The following HMGA2 variants were observed in gnomAD, a reference collection of about 807,000 sequenced individuals.
HMGA2 encodes high mobility group AT-hook 2.
A neutral mutation model predicts 19.1 loss-of-function variants in HMGA2; 8 were observed. That is an observed-to-expected ratio of 0.42 (90% CI 0.25 to 0.76). The LOEUF (loss-of-function observed/expected upper bound fraction) is 0.76. Ranked by LOEUF, HMGA2 falls within the 30% of genes least tolerant of loss-of-function variation. The probability of loss-of-function intolerance (pLI) is 0.28; values close to 1 mark genes in which losing one functional copy is unlikely to be tolerated. For missense variants in HMGA2, 109 were observed against 136.3 expected, an observed-to-expected ratio of 0.80 and a Z score of 1.00; for synonymous variants, 60 against 48.8, an observed-to-expected ratio of 1.23 and a Z score of -0.96.
At chr12:65,848,123 T>C (rs1388085702) in intron 3 of HMGA2, among the ~76,000 whole-genome samples, 1 of 152,216 alleles carries the variant, frequency 6.6e-6, no homozygotes. Context: ...CCTATGTTAA[T>C]GTTTCCATTC....
chr12:65,824,880 G>A lies in HMGA2; in HGVS notation c.-391G>A. ...AAGCCGCTTCCGAAGTGCTCCCGGT[G>A]CCCGCAACTCCTGATCCCAACCCGC... On this transcript the variant is annotated 5_prime_UTR_variant, in exon 1 of 5. Transcript: ENST00000403681. 3.7e-6 allele frequency: 1 copy of A among 268,572 alleles called. No homozygotes were observed. The highest frequency in any genetic ancestry group is 5.8e-5 in the East Asian group (1 of 17,262). 16.6% of individuals were successfully genotyped at this position (268,572 alleles called of 1,614,324 possible).
At chr12:65,932,388 C>G (rs1312602024) in intron 3 of HMGA2, among the ~76,000 whole-genome samples, 1 of 152,244 alleles carries the variant, frequency 6.6e-6, no homozygotes, top group Non-Finnish European at 1.5e-5. Context: ...CATCACTAGA[C>G]TTGTCAAGTG....
At chr12:65,920,154 A>T (rs890640779) in intron 3 of HMGA2, among the ~76,000 whole-genome samples, 16 of 152,174 alleles carry the variant, frequency 1.1e-4, no homozygotes, top group Non-Finnish European at 2.1e-4. Context: ...GTTCTTTGTG[A>T]AAATAGCCGT....
At chr12:65,833,150 G>A (rs1870547927) in intron 2 of HMGA2, among the ~76,000 whole-genome samples, 1 of 152,152 alleles carries the variant, frequency 6.6e-6, no homozygotes, top group African/African-American at 2.4e-5. Context: ...TCTCTTCAAG[G>A]CTAAAAGTGT....
intron 3 of HMGA2, among the ~76,000 whole-genome samples, chr12:65,920,861 A>T (rs945533745): frequency 2.0e-5 from 3 of 152,216 alleles, no homozygotes; most frequent in African/African-American, 7.2e-5. Flanking sequence ...GGCATTGCTG[A>T]AAAGCTACCT....
intron 3 of HMGA2, chr12:65,914,721 C>G (rs538558976): frequency 3.1e-6 from 1 of 323,644 alleles, no homozygotes; most frequent in South Asian, 3.2e-5. Flanking sequence ...GTTGCTCAGG[C>G]TGGAGTGCAG....
chr12:65,824,931 C>CCT lies in HMGA2; in HGVS notation c.-335_-334dup, dbSNP rs1870063854. 1 of 331,548 alleles carries CCT rather than the reference C, an allele frequency of 3.0e-6. No homozygotes were observed. Among genetic ancestry groups the CCT allele is most frequent in the African/African-American group, 2.1e-5 (1 of 46,828 alleles). The allele number at this position is 331,548 out of a possible 1,614,324, so 20.5% of individuals were successfully genotyped here. ...GAGAGGAGCCTCTGCGACCTCAAAGCCTCTCTTCCTTCTCCCTCGCTTCCC... is the reference window on the plus strand; with the variant it reads ...GAGAGGAGCCTCTGCGACCTCAAAGCCTCTCTCTTCCTTCTCCCTCGCTTCCC... On this transcript the variant is annotated 5_prime_UTR_variant, in exon 1 of 5. Transcript: ENST00000403681.
At chr12:65,882,492 C>T (rs528454029) in intron 3 of HMGA2, among the ~76,000 whole-genome samples, 41 of 152,290 alleles carry the variant, frequency 2.7e-4, no homozygotes, top group African/African-American at 9.9e-4. Context: ...GAAACTGAGG[C>T]CTAGAAGACA....
At chr12:65,890,512 C>A (rs1476915932) in intron 3 of HMGA2, among the ~76,000 whole-genome samples, 1 of 152,090 alleles carries the variant, frequency 6.6e-6, no homozygotes, top group Non-Finnish European at 1.5e-5. Flanking sequence ...ATAACGTTGC[C>A]TAAGGTATAT....
At chr12:65,899,435 T>A (rs1302534281) in intron 3 of HMGA2, among the ~76,000 whole-genome samples, 1 of 152,218 alleles carries the variant, frequency 6.6e-6, no homozygotes, top group Non-Finnish European at 1.5e-5. Flanking sequence ...TTATTATCTG[T>A]CACAGGACAC....
At chr12:65,910,823 G>A (rs1428508224) in intron 3 of HMGA2, among the ~76,000 whole-genome samples, 1 of 152,036 alleles carries the variant, frequency 6.6e-6, no homozygotes, top group Non-Finnish European at 1.5e-5. Context: ...AAAAAAAAGG[G>A]GGCTAAATAC....
chr12:65,943,919 C>T (rs1427478808), intron 3 of HMGA2, among the ~76,000 whole-genome samples: 1 of 152,166 alleles, frequency 6.6e-6, no homozygotes, highest in Non-Finnish European at 1.5e-5. Flanking sequence ...GATGGTTTCT[C>T]CTCTTTACCA....
intron 3 of HMGA2, among the ~76,000 whole-genome samples, chr12:65,924,600 C>T (rs1245201666): frequency 6.6e-6 from 1 of 152,140 alleles, no homozygotes; most frequent in Non-Finnish European, 1.5e-5. Flanking sequence ...GAGATCGAGA[C>T]CATCCTGGCC....
intron 3 of HMGA2, among the ~76,000 whole-genome samples, chr12:65,868,805 A>G (rs1413548557): frequency 6.6e-6 from 1 of 152,218 alleles, no homozygotes; most frequent in Non-Finnish European, 1.5e-5. Flanking sequence ...TAAGTTGTCA[A>G]CTAAGTGATT....
At chr12:65,912,067 A>G (rs1874869420) in intron 3 of HMGA2, among the ~76,000 whole-genome samples, 1 of 152,116 alleles carries the variant, frequency 6.6e-6, no homozygotes, top group African/African-American at 2.4e-5. Context: ...TAGATACTGT[A>G]TTAACTATAT....
chr12:65,854,369 G>T (rs928906374), intron 3 of HMGA2, among the ~76,000 whole-genome samples: 1 of 152,126 alleles, frequency 6.6e-6, no homozygotes, highest in African/African-American at 2.4e-5. Context: ...CGTGCCTTGT[G>T]GGCTTTGACC....
intron 3 of HMGA2, chr12:65,857,420 C>T (rs1871798609): frequency 6.6e-6 from 1 of 152,152 alleles, no homozygotes; most frequent in Admixed American, 6.5e-5. Context: ...GACAAAAAGA[C>T]AGAACTTTAG....
At chr12:65,925,186 T>A (rs1256661218) in intron 3 of HMGA2, among the ~76,000 whole-genome samples, 1 of 152,200 alleles carries the variant, frequency 6.6e-6, no homozygotes, top group East Asian at 1.9e-4. Context: ...TTTTCTACAA[T>A]TTCTAAAGTA....
chr12:65,908,294 T>C (rs776265624), intron 3 of HMGA2, among the ~76,000 whole-genome samples: 1 of 152,164 alleles, frequency 6.6e-6, no homozygotes, highest in Non-Finnish European at 1.5e-5. Flanking sequence ...CGGGGAACTG[T>C]TGGCATGAGT....
Sources: allele counts gnomAD v4.1 joint callset (sites outside exome capture counted in the v4.1 genomes callset), GRCh38; gene constraint gnomAD v4.1.1; transcripts MANE v1.5; gene names NCBI Gene and HGNC (gene_info 2026-07-23, HGNC 2026-07-21).